BAZ1B: variants seen among roughly 807,000 people sequenced by gnomAD.
The protein encoded by BAZ1B is tyrosine-protein kinase BAZ1B.
In BAZ1B, 22 loss-of-function variants were observed where a neutral mutation model predicts 153.8. The ratio of observed to expected loss-of-function variants is 0.14; its 90% CI spans 0.10 to 0.20. The LOEUF (loss-of-function observed/expected upper bound fraction) is 0.20, where lower values mean the gene tolerates loss of function less well. Among genes scored for constraint, BAZ1B ranks in the 10% least tolerant of loss-of-function variants. BAZ1B has a pLI of 1.00. For missense variants in BAZ1B, 1,325 were observed against 1,799.3 expected (o/e 0.74, Z 4.77); for synonymous variants, 676 against 633.4 (o/e 1.07, Z -1.01).
chr7:73,511,535 T>C (rs933364211), intron 1 of BAZ1B, among the ~76,000 whole-genome samples: 1 of 151,894 alleles, frequency 6.6e-6, no homozygotes, highest in Middle Eastern at 3.2e-3. Flanking sequence ...AAAATGGTTT[T>C]TCGTGTTTTA....
rs370155404 is a variant in BAZ1B at position 73,519,850 on chromosome 7, T to C, written c.107+1977A>G. Among the ~76,000 whole-genome samples the C allele has an allele frequency of 9.9e-5, 15 of 152,212 alleles. No individual in the cohort carries two copies. The East Asian group carries it at 1.9e-3, about 20-fold the overall frequency. ...TCAACGGCTCAAAACATTAATGACA[T>C]TGGAAAAGTATATGTCGGATTCTCA... On this transcript the variant is annotated intron_variant, in intron 1 of 19. Transcript: ENST00000339594.
intron 3 of BAZ1B, among the ~76,000 whole-genome samples, chr7:73,500,982 C>T (rs782713175): frequency 6.6e-6 from 1 of 151,790 alleles, no homozygotes; most frequent in Non-Finnish European, 1.5e-5. Context: ...CAAGGCCGGG[C>T]GCAGTGGCTC....
At position 73,477,690 on chromosome 7, in the gene BAZ1B, G is replaced by C; in HGVS notation, c.1771C>G (p.Pro591Ala). The C allele has an allele frequency of 6.2e-7, 1 of 1,614,168 alleles. No individual in the cohort carries two copies. Among genetic ancestry groups the C allele is most frequent in the Non-Finnish European group, 8.5e-7 (1 of 1,180,040 alleles). ...EDQELTGKNL[P>A]AFRLVDTPEG... ...GGGGTATCCACCAATCTGAATGCTG[G>C]AAGGTTTTTGCCAGTTAACTCTTGG... Residue 591 changes from proline (P) to alanine (A), a missense_variant, in exon 7 of 20, where the codon CCA becomes GCA. By Grantham distance (27) the Pro-to-Ala change is conservative. Around this residue, in one of 9 missense-constraint regions of BAZ1B, gnomAD observed 154 missense variants for 266.3 expected, o/e 0.58. Transcript: ENST00000339594. The surrounding 1 kb of genome is among the most constrained non-coding windows in gnomAD (Gnocchi z 5.6).
chr7:73,492,968 C>G, intron 4 of BAZ1B, 47 bp from the exon 5 acceptor site: 1 of 1,545,290 alleles, frequency 6.5e-7, no homozygotes, highest in Non-Finnish European at 8.7e-7. Context: ...TATTTTAATC[C>G]TTTTCATTCA....
chr7:73,498,659 T>C lies in BAZ1B; in HGVS notation c.409A>G (p.Ile137Val). The C allele has an allele frequency of 6.2e-7, 1 of 1,614,102 alleles. No individual in the cohort carries two copies. ...EKMLKVKIVK[I>V]HPLEKVDEEA... ...TCATCCACTTTCTCCAAAGGATGAA[T>C]CTTCACAATCTTCACCTTGAGCATT... Residue 137 changes from isoleucine to valine, a missense_variant, in exon 4 of 20, where the codon ATT becomes GTT. Ile to Val is a conservative substitution (Grantham distance 29). Coordinates refer to ENST00000339594, the MANE Select transcript of BAZ1B (RefSeq NM_032408.4).
chr7:73,478,060 A>T lies in BAZ1B; in HGVS notation c.1401T>A (p.Pro467=). ...SGGTPRTSSK[P]HKHLPPAALH... Reference sequence around the variant, plus strand: ...GGGCTGCAGGAGGCAGATGTTTATGAGGTTTACTAGAGGTCCTAGGTGTAC... The same window carrying T: ...GGGCTGCAGGAGGCAGATGTTTATGTGGTTTACTAGAGGTCCTAGGTGTAC... Residue 467 remains proline, a synonymous_variant, in exon 7 of 20, where the codon CCT becomes CCA. Coordinates refer to ENST00000339594, the MANE Select transcript of BAZ1B (RefSeq NM_032408.4). The T allele has an allele frequency of 6.2e-7, 1 of 1,614,108 alleles. No individual in the cohort carries two copies. The highest frequency in any genetic ancestry group is 8.5e-7 in the Non-Finnish European group (1 of 1,180,020).
Position 73,454,718 on chromosome 7 carries a change from G to A in BAZ1B, c.3433-3724C>T, listed in dbSNP as rs1440681560. On this transcript the variant is annotated intron_variant, in intron 13 of 19. Coordinates refer to ENST00000339594, the MANE Select transcript of BAZ1B (RefSeq NM_032408.4). ...CAAAACCCATCCTCTCTTCCCTCTG[G>A]TAAGTTTTCTCTAGTGTGCCCTGGG... Among the ~76,000 whole-genome samples the A allele has an allele frequency of 3.9e-5, 6 of 152,268 alleles. No homozygotes were observed. In the East Asian group the frequency reaches 9.6e-4, roughly 24 times the overall value.
chr7:73,442,968 T>TA, intron 17 of BAZ1B, 140 bp from the exon 18 acceptor site: 3 of 686,320 alleles, frequency 4.4e-6, no homozygotes, highest in Non-Finnish European at 7.3e-6. Context: ...AACCTTCTGA[T>TA]ATTCAAGTCA....
At chr7:73,495,815 T>C (rs1789855160) in intron 4 of BAZ1B, among the ~76,000 whole-genome samples, 2 of 152,226 alleles carry the variant, frequency 1.3e-5, no homozygotes, top group Non-Finnish European at 2.9e-5. Flanking sequence ...CACTTGTAAG[T>C]GGGAGCTAAA....
intron 12 of BAZ1B, among the ~76,000 whole-genome samples, chr7:73,460,237 T>C (rs1788350147): frequency 6.6e-6 from 1 of 151,642 alleles, no homozygotes; most frequent in Non-Finnish European, 1.5e-5. Flanking sequence ...CTACTTCCCT[T>C]TTCCCAGCTA....
chr7:73,482,247 A>C (rs1265196998), intron 6 of BAZ1B, among the ~76,000 whole-genome samples: 4 of 152,206 alleles, frequency 2.6e-5, no homozygotes, highest in African/African-American at 9.6e-5. Flanking sequence ...AGAATAAGCC[A>C]AGATAACTTA....
In BAZ1B at chr7:73,478,350, T is replaced by C; in HGVS notation, c.1111A>G (p.Lys371Glu). Reference sequence around the variant, plus strand: ...TGCAGCTTATTGGGCGACATCATCTTCATCATTTCTTCTAGATGTTCTTCA... The same window carrying C: ...TGCAGCTTATTGGGCGACATCATCTCCATCATTTCTTCTAGATGTTCTTCA... Reference protein sequence around the residue: ...SPEEHLEEMMKMMSPNKLHTN... With the variant: ...SPEEHLEEMMEMMSPNKLHTN... The change falls in exon 7 of 20, where the codon AAG becomes GAG. Residue 371 changes from lysine (K) to glutamate (E), a missense_variant. By Grantham distance (56) the Lys-to-Glu change is moderately conservative (BLOSUM62 1). Coordinates refer to ENST00000339594, the MANE Select transcript of BAZ1B (RefSeq NM_032408.4). 6.2e-7 allele frequency: 1 copy of C among 1,612,576 alleles called. No individual in the cohort carries two copies. The highest frequency in any genetic ancestry group is 8.5e-7 in the Non-Finnish European group (1 of 1,179,710).
chr7:73,498,771 T>TC, intron 3 of BAZ1B, 73 bp from the exon 4 acceptor site: 1 of 1,302,446 alleles, frequency 7.7e-7, no homozygotes. Flanking sequence ...GAACATATCA[T>TC]CCAATATACA....
rs1227463040 is a variant in BAZ1B, at chr7:73,440,819, A to G, written c.*890T>C. 6.6e-6 allele frequency: 1 copy of G among 152,550 alleles called. No homozygotes were observed. The highest frequency in any genetic ancestry group is 1.5e-5 in the Non-Finnish European group (1 of 68,026). The allele number at this position is 152,550 out of a possible 1,614,324, so 9.4% of individuals were successfully genotyped here. A position where few individuals can be genotyped will look rare whatever the true frequency, so the allele number is the denominator to read the frequency against. ...TTGGTGGACTTTAAATAGGTACAGA[A>G]GAGCTTGGGTGCTCAAAATTTCCAA... On this transcript the variant is annotated 3_prime_UTR_variant, in exon 20 of 20. Transcript: ENST00000339594.
rs368285132 is a variant in BAZ1B, at chr7:73,502,037, C to T, written c.370-3339G>A. On this transcript the variant is annotated intron_variant, in intron 3 of 19. Transcript: ENST00000339594. ...TTCCAAGTAGCTGGGACTACAGGCACGCGCCACCATGCCTGGCTAATTTTT... is the reference window on the plus strand; with the variant it reads ...TTCCAAGTAGCTGGGACTACAGGCATGCGCCACCATGCCTGGCTAATTTTT... 2.0e-4 allele frequency among the ~76,000 whole-genome samples: 30 copies of T among 151,942 alleles called. 1 individual carries two copies. The East Asian group carries it at 2.3e-3, about 12-fold the overall frequency.
intron 6 of BAZ1B, among the ~76,000 whole-genome samples, chr7:73,482,646 A>G (rs1423377320): frequency 6.6e-6 from 1 of 152,144 alleles, no homozygotes; most frequent in East Asian, 1.9e-4. Context: ...AATCACTCAC[A>G]TTTTACATGA....
chr7:73,482,513 T>G (rs1198758443), intron 6 of BAZ1B, among the ~76,000 whole-genome samples: 1 of 152,220 alleles, frequency 6.6e-6, no homozygotes, highest in Non-Finnish European at 1.5e-5. Flanking sequence ...AAAATGAAAT[T>G]TATCGCTAAA....
chr7:73,450,733 A>T lies in BAZ1B; in HGVS notation c.3580+114T>A. On this transcript the variant is annotated intron_variant, in intron 14 of 19. Coordinates refer to ENST00000339594, the MANE Select transcript of BAZ1B (RefSeq NM_032408.4). This position sits in a 1 kb window ranked among gnomAD's most constrained non-coding sequence, Gnocchi z 4.1. The stretch of plus-strand genomic sequence containing the variant: ...ACAGACCTGCAGGAGAGTAAAATCT[A>T]TACCACACTTATATTCTGTGTACAC... 1 of 1,279,566 alleles carries T rather than the reference A, an allele frequency of 7.8e-7. No homozygotes were observed. The highest frequency in any genetic ancestry group is 1.1e-6 in the Non-Finnish European group (1 of 915,112). The allele number at this position is 1,279,566 out of a possible 1,614,324, so 79.3% of individuals were successfully genotyped here.
chr7:73,502,958 A>AT (rs1790195435), intron 3 of BAZ1B, among the ~76,000 whole-genome samples: 2 of 152,092 alleles, frequency 1.3e-5, no homozygotes, highest in African/African-American at 4.8e-5. Context: ...TCAAGTTCAC[A>AT]TTTTTTCTGC....
Sources: gnomAD v4.1 joint callset for allele counts (sites outside exome capture counted in the v4.1 genomes callset) on GRCh38, gnomAD v4.1.1 for gene constraint, gnomAD v4.1.1 regional missense constraint, Gnocchi (gnomAD v3.1) non-coding constraint, MANE v1.5 for transcripts, NCBI Gene and HGNC (gene_info 2026-07-23, HGNC 2026-07-21) for gene names.